The following CACNA1C variants were observed in gnomAD, a reference collection of about 807,000 sequenced individuals.
CACNA1C encodes calcium voltage-gated channel subunit alpha1 C, also known as voltage-dependent L-type calcium channel subunit alpha-1C.
CACNA1C carries 30 observed loss-of-function variants against 229.0 expected under a neutral mutation model. The observed-to-expected ratio is 0.13, with a 90% CI of 0.10 to 0.18. The LOEUF (loss-of-function observed/expected upper bound fraction) is 0.18. Ranked by LOEUF, CACNA1C falls within the 10% of genes least tolerant of loss-of-function variation. The pLI is 1.00. For synonymous variants in CACNA1C, 1,114 were observed against 1,132.5 expected, an observed-to-expected ratio of 0.98 and a Z score of 0.33; for missense variants, 1,658 against 2,845.0, an observed-to-expected ratio of 0.58 and a Z score of 9.49.
intron 3 of CACNA1C, among the ~76,000 whole-genome samples, chr12:2,386,779 C>G (rs1048359253): frequency 3.9e-5 from 6 of 152,218 alleles, no homozygotes; most frequent in Non-Finnish European, 8.8e-5. Context: ...TCTCTGCATC[C>G]CAGCAGGGAG....
chr12:2,196,523 G>A (rs1487586431), intron 3 of CACNA1C, among the ~76,000 whole-genome samples: 1 of 152,182 alleles, frequency 6.6e-6, no homozygotes, highest in Non-Finnish European at 1.5e-5. Flanking sequence ...ACTGCAAATG[G>A]CATTTAGTTT....
chr12:2,277,125 A>T (rs377550205), intron 3 of CACNA1C, among the ~76,000 whole-genome samples: 11 of 151,996 alleles, frequency 7.2e-5, no homozygotes, highest in African/African-American at 2.7e-4. Context: ...TAACACTCTC[A>T]TATGTTAGGT....
intron 3 of CACNA1C, among the ~76,000 whole-genome samples, chr12:2,140,043 C>T (rs912221749): frequency 6.6e-6 from 1 of 151,294 alleles, no homozygotes; most frequent in Non-Finnish European, 1.5e-5. Context: ...CAGCGGTGAC[C>T]CAGGCAGCTC....
chr12:2,622,956 C>A (rs1486281248), intron 29 of CACNA1C, among the ~76,000 whole-genome samples: 1 of 152,218 alleles, frequency 6.6e-6, no homozygotes, highest in Non-Finnish European at 1.5e-5. Flanking sequence ...CTGACCACAG[C>A]AAGAAATGCC....
intron 42 of CACNA1C, chr12:2,680,314 T>A: frequency 7.3e-7 from 1 of 1,362,492 alleles, no homozygotes; most frequent in Non-Finnish European, 1.0e-6. Flanking sequence ...CTGTACCTCT[T>A]ACTCCTGACT....
intron 3 of CACNA1C, among the ~76,000 whole-genome samples, chr12:2,383,893 A>G (rs2098315084): frequency 6.6e-6 from 1 of 152,240 alleles, no homozygotes; most frequent in African/African-American, 2.4e-5. Context: ...AAGAGCTGTT[A>G]ATGAGCAGGA....
intron 29 of CACNA1C, among the ~76,000 whole-genome samples, chr12:2,618,243 C>A (rs2081588352): frequency 6.6e-6 from 1 of 152,212 alleles, no homozygotes; most frequent in African/African-American, 2.4e-5. Flanking sequence ...AAGGTCAGAT[C>A]TGCTTGTCTG....
At chr12:2,047,884 T>C (rs73601589) in intron 1 of CACNA1C, among the ~76,000 whole-genome samples, 7,949 of 152,322 alleles carry the variant, frequency 0.052, 237 homozygotes, top group East Asian at 0.068. Context: ...CAGGACATGA[T>C]GTGGGAGAGA....
At chr12:2,245,849 G>A (rs1033815173) in intron 3 of CACNA1C, among the ~76,000 whole-genome samples, 1 of 152,148 alleles carries the variant, frequency 6.6e-6, no homozygotes, top group Admixed American at 6.5e-5. Flanking sequence ...ACCCTGCTGT[G>A]CTATTACATA....
At chr12:2,224,110 A>G (rs1259736130) in intron 3 of CACNA1C, among the ~76,000 whole-genome samples, 1 of 152,150 alleles carries the variant, frequency 6.6e-6, no homozygotes, top group African/African-American at 2.4e-5. Context: ...CTTGGTTCCC[A>G]CCCTGAACCT....
rs2043054273 is a variant in CACNA1C at position 2,004,719 on chromosome 12, CT to C, written c.139+33521del. The C allele has an allele frequency of 3.4e-5, 15 of 446,954 alleles. No individual in the cohort carries two copies. In the South Asian group the frequency reaches 4.9e-4, roughly 14 times the overall value. 27.7% of individuals were successfully genotyped at this position (446,954 alleles called of 1,614,324 possible). A position where few individuals can be genotyped will look rare whatever the true frequency, so the allele number is the denominator to read the frequency against. On this transcript the variant is annotated intron_variant, in intron 1 of 46. Coordinates refer to the CACNA1C transcript ENST00000682462. ...GAGCTGTTTTTCTACGCGCTCGAGC[CT>C]TTGAGCTGTGTGTGCGGTAGGATTT...
At chr12:2,588,709 T>A (rs1192080712) in intron 18 of CACNA1C, among the ~76,000 whole-genome samples, 1 of 152,226 alleles carries the variant, frequency 6.6e-6, no homozygotes, top group Non-Finnish European at 1.5e-5. Context: ...CAGATCGGTA[T>A]ACCCTAATTA....
chr12:2,689,227 A>G lies in CACNA1C; in HGVS notation c.6117+448A>G, dbSNP rs2097686235. Among the ~76,000 whole-genome samples, 1 of 152,128 alleles carries G rather than the reference A, an allele frequency of 6.6e-6. No homozygotes were observed. Among genetic ancestry groups the G allele is most frequent in the South Asian group, 2.1e-4 (1 of 4,832 alleles). On this transcript the variant is annotated intron_variant, in intron 46 of 46. Transcript: ENST00000399655. This position sits in a 1 kb window ranked among gnomAD's most constrained non-coding sequence, Gnocchi z 4.2. ...GCAAGGTTGAGAGCCACTAGCCTAG[A>G]ACAAGCGAGCTTTCAGTCCCACTGT...
chr12:2,641,579 A>G, intron 30 of CACNA1C: 4 of 599,604 alleles, frequency 6.7e-6, no homozygotes. Flanking sequence ...ACTTTCGGCA[A>G]CAGCCCCCAC....
At chr12:2,026,762 A>G (rs1189536540) in intron 1 of CACNA1C, among the ~76,000 whole-genome samples, 1 of 152,206 alleles carries the variant, frequency 6.6e-6, no homozygotes, top group African/African-American at 2.4e-5. Context: ...TGGATTGTAA[A>G]GATTTCATGT....
intron 9 of CACNA1C, among the ~76,000 whole-genome samples, chr12:2,546,857 T>C (rs2099882238): frequency 6.6e-6 from 1 of 152,232 alleles, no homozygotes; most frequent in Non-Finnish European, 1.5e-5. Context: ...AGAATTGAAT[T>C]ATTGAACTGA....
chr12:2,226,653 T>C (rs2063101205), intron 3 of CACNA1C, among the ~76,000 whole-genome samples: 2 of 152,196 alleles, frequency 1.3e-5, no homozygotes, highest in Non-Finnish European at 2.9e-5. Context: ...CATAGTGTCA[T>C]TGTTTCCTCC....
chr12:2,319,983 C>T lies in CACNA1C; in HGVS notation c.478-128993C>T, dbSNP rs2095892145. Among the ~76,000 whole-genome samples the T allele has an allele frequency of 6.6e-6, 1 of 152,192 alleles. No homozygotes were observed. Among genetic ancestry groups the T allele is most frequent in the African/African-American group, 2.4e-5 (1 of 41,430 alleles). ...GGCTCCCACCCTTTAAAGCTCCTGT[C>T]CCTGGGGGTTTTGCTGCAGGATGGT... is the stretch of plus-strand genomic sequence containing the variant. On this transcript the variant is annotated intron_variant, in intron 3 of 46. Transcript: ENST00000399655. This position sits in a 1 kb window ranked among gnomAD's most constrained non-coding sequence, Gnocchi z 4.0.
At chr12:2,051,921 T>C (rs1413570706), upstream of CACNA1C, among the ~76,000 whole-genome samples, 2 of 152,112 alleles carry the variant, frequency 1.3e-5, no homozygotes, top group Non-Finnish European at 2.9e-5. Context: ...CGGGAATGGT[T>C]AGGGTCACCC....
Sources: allele counts gnomAD v4.1 joint callset (sites outside exome capture counted in the v4.1 genomes callset), GRCh38; gene constraint gnomAD v4.1.1; non-coding constraint Gnocchi (gnomAD v3.1); transcripts MANE v1.5; gene names NCBI Gene and HGNC (gene_info 2026-07-23, HGNC 2026-07-21).